The following SLC1A6 variants were observed in gnomAD, a reference collection of about 807,000 sequenced individuals.
SLC1A6 encodes the protein solute carrier family 1 member 6, also known as excitatory amino acid transporter 4.
In SLC1A6, 15 loss-of-function variants were observed where a neutral mutation model predicts 42.1. The ratio of observed to expected loss-of-function variants is 0.36; its 90% CI spans 0.24 to 0.55. The LOEUF (loss-of-function observed/expected upper bound fraction) is 0.55. SLC1A6 is among the 20% of genes least tolerant of loss of function. The pLI is 0.88. For synonymous variants in SLC1A6, 317 were observed against 319.7 expected (o/e 0.99, Z 0.09); for missense variants, 542 against 772.5 (o/e 0.70, Z 3.54).
chr19:14,964,455 G>C, intron 4 of SLC1A6, 94 bp from the exon 5 acceptor site: 1 of 960,442 alleles, frequency 1.0e-6, no homozygotes, highest in Non-Finnish European at 1.7e-6. Context: ...CAACAATAGT[G>C]CAGCCAACAT....
chr19:15,002,499 C>T (rs557315622), intron 1 of SLC1A6, among the ~76,000 whole-genome samples: 6 of 152,114 alleles, frequency 3.9e-5, no homozygotes, highest in South Asian at 2.1e-4. Flanking sequence ...AAGCCATGAT[C>T]GCTTTGTAAC....
At chr19:15,004,918 GAATCACTTGGAA>G (rs572441548) in intron 1 of SLC1A6, among the ~76,000 whole-genome samples, 153 of 152,244 alleles carry the variant, frequency 1.0e-3, no homozygotes, top group African/African-American at 3.6e-3. Context: ...ACACGCAGGT[GAATCACTTGGAA>G]AATGAGAGCT....
intron 1 of SLC1A6, among the ~76,000 whole-genome samples, chr19:14,992,740 C>T (rs1378761830): frequency 1.3e-5 from 2 of 152,068 alleles, no homozygotes; most frequent in Non-Finnish European, 2.9e-5. Flanking sequence ...TCCACTCTGA[C>T]CAAAGGCTCC....
chr19:15,005,216 T>C (rs917485061), intron 1 of SLC1A6, among the ~76,000 whole-genome samples: 18 of 144,722 alleles, frequency 1.2e-4, no homozygotes, highest in Admixed American at 1.1e-3. Flanking sequence ...GCCATGATGG[T>C]ACCACTGTAC....
Position 14,972,748 on chromosome 19 carries a change from G to C in SLC1A6, c.163C>G (p.Arg55Gly), listed in dbSNP as rs1410546272. 1.2e-6 allele frequency: 2 copies of C among 1,614,016 alleles called. No homozygotes were observed. The highest frequency in any genetic ancestry group is 3.3e-5 in the Admixed American group (2 of 60,022). The part of the protein sequence containing the change: ...TLEHVLRFLR[R>G]NAFILLTVSA... ...ACCGTCAGCAGAATGAAGGCGTTTC[G>C]GCGCAGGAAGCGCAGCACGTGCTCG... Residue 55 changes from arginine to glycine, a missense_variant, in exon 2 of 10, where the codon CGA becomes GGA. Arg to Gly is a moderately radical substitution (Grantham distance 125, BLOSUM62 -2). Coordinates refer to ENST00000594383, the MANE Select transcript of SLC1A6 (RefSeq NM_005071.3).
intron 6 of SLC1A6, among the ~76,000 whole-genome samples, chr19:14,959,708 A>G (rs1311709202): frequency 1.3e-5 from 2 of 152,032 alleles, no homozygotes; most frequent in East Asian, 3.9e-4. Flanking sequence ...CCATTCTCCA[A>G]ACAACTTAGG....
chr19:14,999,293 A>T (rs2045862232), intron 1 of SLC1A6, among the ~76,000 whole-genome samples: 1 of 152,144 alleles, frequency 6.6e-6, no homozygotes, highest in Non-Finnish European at 1.5e-5. Context: ...TCTTCTATGG[A>T]TTCCAGGTCT....
chr19:14,950,436 G>T, intron 9 of SLC1A6, 46 bp from the exon 10 acceptor site: 1 of 1,440,312 alleles, frequency 6.9e-7, no homozygotes, highest in Non-Finnish European at 9.4e-7. Context: ...GGCTTGAAAA[G>T]CTTCACAGAA....
intron 4 of SLC1A6, among the ~76,000 whole-genome samples, chr19:14,966,862 C>T (rs1416180395): frequency 6.6e-6 from 1 of 151,828 alleles, no homozygotes; most frequent in Non-Finnish European, 1.5e-5. Flanking sequence ...AACATCACAC[C>T]CTGGGGCCTT....
chr19:14,996,101 T>C (rs1211163727), intron 1 of SLC1A6, among the ~76,000 whole-genome samples: 2 of 152,246 alleles, frequency 1.3e-5, no homozygotes, highest in African/African-American at 4.8e-5. Context: ...GGTGAACTGC[T>C]TTCCAGGTGG....
At chr19:14,967,476 G>T (rs62113274) in intron 4 of SLC1A6, among the ~76,000 whole-genome samples, 19,818 of 152,016 alleles carry the variant, frequency 0.13, 1,638 homozygotes, top group African/African-American at 0.24. Flanking sequence ...GGTCAGACAC[G>T]CCTCCTTACA....
chr19:14,973,987 T>C (rs2045674849), intron 1 of SLC1A6: 1 of 152,284 alleles, frequency 6.6e-6, no homozygotes, highest in African/African-American at 2.4e-5. Flanking sequence ...ACTGTACTGA[T>C]GTTTCCCAAA....
At chr19:14,956,785 G>C (rs1019755924) in intron 6 of SLC1A6, 76 bp from the exon 7 acceptor site, 2 of 990,972 alleles carry the variant, frequency 2.0e-6, no homozygotes, top group Middle Eastern at 2.1e-4. Context: ...CATCCCCAAG[G>C]CTTTGCCCAT....
chr19:14,968,227 G>T, intron 4 of SLC1A6, 76 bp downstream of exon 4: 1 of 1,218,308 alleles, frequency 8.2e-7, no homozygotes. Context: ...TGACCTCTTT[G>T]CAGGCTATAA....
chr19:14,991,520 G>A (rs773653693), intron 1 of SLC1A6, among the ~76,000 whole-genome samples: 3 of 151,852 alleles, frequency 2.0e-5, no homozygotes, highest in Non-Finnish European at 4.4e-5. Flanking sequence ...CTACTCAGGA[G>A]GCTGAGGAAG....
chr19:14,978,781 C>CA (rs556174845), intron 1 of SLC1A6, among the ~76,000 whole-genome samples: 3 of 151,226 alleles, frequency 2.0e-5, no homozygotes, highest in Non-Finnish European at 4.4e-5. Flanking sequence ...ATTCTGCACA[C>CA]ACACATACAC....
At chr19:14,969,214 G>A (rs770340903) in intron 3 of SLC1A6, among the ~76,000 whole-genome samples, 1 of 151,994 alleles carries the variant, frequency 6.6e-6, no homozygotes, top group Middle Eastern at 3.2e-3. Flanking sequence ...CCCACCTCAC[G>A]GCGCACCCTT....
At chr19:14,961,806 C>G in intron 6 of SLC1A6, 196 bp downstream of exon 6, 1 of 696,570 alleles carries the variant, frequency 1.4e-6, no homozygotes, top group Non-Finnish European at 2.3e-6. Context: ...AATGAATGAA[C>G]AGATGAACAA....
intron 1 of SLC1A6, chr19:14,977,282 G>A (rs2045722321): frequency 6.6e-6 from 1 of 152,102 alleles, no homozygotes; most frequent in Non-Finnish European, 1.5e-5. Context: ...GTCAAATTCA[G>A]CCTACTGCTT....
Sources: allele counts gnomAD v4.1 joint callset (sites outside exome capture counted in the v4.1 genomes callset), GRCh38; gene constraint gnomAD v4.1.1; transcripts MANE v1.5; gene names NCBI Gene and HGNC (gene_info 2026-07-23, HGNC 2026-07-21).